The following GATA4 variants were observed in gnomAD, a reference collection of about 807,000 sequenced individuals.
GATA4 encodes the protein transcription factor GATA-4.
GATA4 carries 7 observed loss-of-function variants against 37.9 expected under a neutral mutation model. That is an observed-to-expected ratio of 0.18 (90% confidence interval 0.11 to 0.35). GATA4 has a LOEUF of 0.35. Among genes scored for constraint, GATA4 ranks in the 10% least tolerant of loss-of-function variants. The pLI, the probability that GATA4 is intolerant of heterozygous loss-of-function variation, is 1.00. For missense variants in GATA4, 647 were observed against 653.0 expected, an observed-to-expected ratio of 0.99 and a Z score of 0.10; for synonymous variants, 372 against 292.6, an observed-to-expected ratio of 1.27 and a Z score of -2.77.
At chr8:11,692,978 C>T in intron 1 of GATA4, 1 of 985,370 alleles carries the variant, frequency 1.0e-6, no homozygotes, top group South Asian at 4.7e-5. Context: ...GCCCCGCGGC[C>T]ATCCATCACC....
At chr8:11,705,362 C>T (rs2130048366) in intron 1 of GATA4, among the ~76,000 whole-genome samples, 1 of 152,338 alleles carries the variant, frequency 6.6e-6, no homozygotes, top group South Asian at 2.1e-4. Flanking sequence ...TAGCGTGCGA[C>T]CGTCCTCCTC....
At chr8:11,735,643 A>T (rs1260626449) in intron 2 of GATA4, among the ~76,000 whole-genome samples, 2 of 151,736 alleles carry the variant, frequency 1.3e-5, no homozygotes, top group Admixed American at 1.3e-4. Flanking sequence ...GCTCACTGCA[A>T]CCTCCTCCTT....
upstream of GATA4, among the ~76,000 whole-genome samples, chr8:11,699,344 G>A (rs1382573848): frequency 6.6e-6 from 1 of 152,196 alleles, no homozygotes; most frequent in Non-Finnish European, 1.5e-5. Context: ...TAACTGGGGA[G>A]TAGCAAAGCC....
upstream of GATA4, among the ~76,000 whole-genome samples, chr8:11,688,524 G>A (rs927008430): frequency 1.3e-5 from 2 of 149,530 alleles, no homozygotes; most frequent in African/African-American, 4.9e-5. Context: ...GTGCGCGCAT[G>A]CACACACACA....
intron 2 of GATA4, among the ~76,000 whole-genome samples, chr8:11,742,706 C>T (rs950488931): frequency 2.6e-5 from 4 of 152,244 alleles, no homozygotes; most frequent in African/African-American, 7.2e-5. Flanking sequence ...CCGAGCCTGA[C>T]GAAGCCCAGA....
chr8:11,742,020 C>G (rs948396013), intron 2 of GATA4, among the ~76,000 whole-genome samples: 1 of 152,182 alleles, frequency 6.6e-6, no homozygotes, highest in African/African-American at 2.4e-5. Flanking sequence ...CTCTGTGGCC[C>G]TGGGCAGGAT....
intron 1 of GATA4, chr8:11,680,444 C>T: frequency 1.0e-6 from 1 of 983,160 alleles, no homozygotes; most frequent in Non-Finnish European, 1.2e-6. Context: ...CATCGCCTCT[C>T]CGTTCCTGGC....
chr8:11,758,552 C>A lies in GATA4; in HGVS notation c.*77C>A. Reference sequence around the variant, plus strand: ...AGCAAAGAAGGAGGCCCTGGGCTCCCAGGGGCCGGCCTCCTCTGCCTGGTA... The same window carrying A: ...AGCAAAGAAGGAGGCCCTGGGCTCCAAGGGGCCGGCCTCCTCTGCCTGGTA... On this transcript the variant is annotated 3_prime_UTR_variant, in exon 7 of 7. Coordinates refer to ENST00000532059, the MANE Select transcript of GATA4 (RefSeq NM_001308093.3). The A allele has an allele frequency of 7.0e-7, 1 of 1,437,310 alleles. No individual in the cohort carries two copies. Among genetic ancestry groups the A allele is most frequent in the South Asian group, 1.1e-5 (1 of 87,198 alleles). The allele number at this position is 1,437,310 out of a possible 1,614,324, so 89.0% of individuals were successfully genotyped here.
At position 11,758,563 on chromosome 8, in the gene GATA4, C is replaced by T. The variant is rs1430294485; in HGVS notation, c.*88C>T. 11 of 1,287,566 alleles carry T rather than the reference C, an allele frequency of 8.5e-6. No individual in the cohort carries two copies. The highest frequency in any genetic ancestry group is 1.1e-5 in the Non-Finnish European group (10 of 886,170). The allele number at this position is 1,287,566 out of a possible 1,614,324, so 79.8% of individuals were successfully genotyped here. A position where few individuals can be genotyped will look rare whatever the true frequency, so the allele number is the denominator to read the frequency against. ...AGGCCCTGGGCTCCCAGGGGCCGGCCTCCTCTGCCTGGTAATGACTCCAGA... is the reference window on the plus strand; with the variant it reads ...AGGCCCTGGGCTCCCAGGGGCCGGCTTCCTCTGCCTGGTAATGACTCCAGA... On this transcript the variant is annotated 3_prime_UTR_variant, in exon 7 of 7. Transcript: ENST00000532059.
upstream of GATA4, among the ~76,000 whole-genome samples, chr8:11,703,631 T>A (rs1459667735): frequency 6.6e-6 from 1 of 152,200 alleles, no homozygotes; most frequent in Non-Finnish European, 1.5e-5. Flanking sequence ...CCCGACCATC[T>A]CCCTGGGATT....
In GATA4 at chr8:11,729,850, T is replaced by A. The variant is rs148653092; in HGVS notation, c.617-19066T>A. 3.3e-5 allele frequency among the ~76,000 whole-genome samples: 5 copies of A among 152,356 alleles called. No individual in the cohort carries two copies. In the East Asian group the frequency reaches 9.6e-4, roughly 29 times the overall value. ...AGGAAAATGAGGAGTTACTTATTAG[T>A]TAGTCGTTATACATTTTTGGTTTTT... On this transcript the variant is annotated intron_variant, in intron 2 of 6. Coordinates refer to ENST00000532059, the MANE Select transcript of GATA4 (RefSeq NM_001308093.3).
At chr8:11,693,412 C>G (rs916205531) in intron 1 of GATA4, among the ~76,000 whole-genome samples, 3 of 151,444 alleles carry the variant, frequency 2.0e-5, no homozygotes, top group Non-Finnish European at 4.4e-5. Context: ...GAGCTGAGAT[C>G]GCACCACTGC....
intron 2 of GATA4, among the ~76,000 whole-genome samples, chr8:11,719,666 G>C (rs1230144422): frequency 6.6e-6 from 1 of 152,068 alleles, no homozygotes. Context: ...ACATACACAG[G>C]TATGTGTATA....
chr8:11,742,582 C>T (rs981194958), intron 2 of GATA4, among the ~76,000 whole-genome samples: 7 of 152,182 alleles, frequency 4.6e-5, no homozygotes, highest in Non-Finnish European at 8.8e-5. Context: ...TAACTGGTAA[C>T]CGCCTCTGTT....
intron 1 of GATA4, among the ~76,000 whole-genome samples, chr8:11,705,155 G>C (rs1799837353): frequency 6.6e-6 from 1 of 152,232 alleles, no homozygotes; most frequent in African/African-American, 2.4e-5. Context: ...ACCCGCGGCC[G>C]ATGGAATCCC....
intron 2 of GATA4, among the ~76,000 whole-genome samples, chr8:11,733,393 C>A (rs1801301041): frequency 6.6e-6 from 1 of 152,138 alleles, no homozygotes; most frequent in Non-Finnish European, 1.5e-5. Context: ...TATCAGAAAT[C>A]AAAACAAACT....
intron 2 of GATA4, among the ~76,000 whole-genome samples, chr8:11,721,220 T>C (rs999947634): frequency 3.3e-5 from 5 of 151,374 alleles, no homozygotes; most frequent in South Asian, 4.2e-4. Context: ...CCAGGCTTCC[T>C]GGGCAAGGCA....
intron 2 of GATA4, among the ~76,000 whole-genome samples, chr8:11,745,553 T>G (rs1393601995): frequency 6.6e-6 from 1 of 151,904 alleles, no homozygotes; most frequent in Non-Finnish European, 1.5e-5. Flanking sequence ...AGCACTGTAC[T>G]CCAGCCTGGG....
In GATA4 at chr8:11,738,042, G is replaced by A. The variant is rs948496643; in HGVS notation, c.617-10874G>A. Among the ~76,000 whole-genome samples, 6 of 152,062 alleles carry A rather than the reference G, an allele frequency of 3.9e-5. No homozygotes were observed. The East Asian group carries it at 5.8e-4, about 15-fold the overall frequency. ...CTAAAAATACAAAAATTAGCCAGGC[G>A]TGATGGTATATACCTGTAATCCCAG... On this transcript the variant is annotated intron_variant, in intron 2 of 6. Transcript: ENST00000532059.
Sources: allele counts gnomAD v4.1 joint callset (sites outside exome capture counted in the v4.1 genomes callset), GRCh38; gene constraint gnomAD v4.1.1; transcripts MANE v1.5; gene names NCBI Gene and HGNC (gene_info 2026-07-23, HGNC 2026-07-21).